FADS2: variants seen among roughly 807,000 people sequenced by gnomAD.
FADS2 encodes acyl-CoA 6-desaturase.
Under a neutral mutation model 61.2 loss-of-function variants are expected in FADS2, and 18 were observed. The observed-to-expected ratio is 0.29, with a 90% CI of 0.20 to 0.44. The LOEUF is 0.44. FADS2 is among the 20% of genes least tolerant of loss of function. The pLI, the probability that FADS2 is intolerant of heterozygous loss-of-function variation, is 1.00. For synonymous variants in FADS2, 203 were observed against 223.9 expected (o/e 0.91, Z 0.83); for missense variants, 322 against 572.7 (o/e 0.56, Z 4.47).
chr11:61,828,055 G>A (rs1591163786), upstream of FADS2: 5 of 1,186,518 alleles, frequency 4.2e-6, no homozygotes, highest in East Asian at 1.5e-4. This position sits in a 1 kb window ranked among gnomAD's most constrained non-coding sequence, Gnocchi z 6.4. Flanking sequence ...GGGGGGAGCC[G>A]GAGGGGCGGG....
chr11:61,828,047 G>A, upstream of FADS2: 1 of 1,179,350 alleles, frequency 8.5e-7, no homozygotes, highest in Middle Eastern at 3.5e-4. This position sits in a 1 kb window ranked among gnomAD's most constrained non-coding sequence, Gnocchi z 6.4. Context: ...CCCGAGGCGG[G>A]GGGAGCCGGA....
At chr11:61,845,605 C>T (rs1246697164) in intron 4 of FADS2, among the ~76,000 whole-genome samples, 1 of 151,986 alleles carries the variant, frequency 6.6e-6, no homozygotes, top group Admixed American at 6.6e-5. Context: ...CCAGCCTGGC[C>T]AACATGGTGA....
intron 5 of FADS2, among the ~76,000 whole-genome samples, chr11:61,849,124 T>C (rs1236230818): frequency 3.3e-5 from 5 of 152,196 alleles, no homozygotes; most frequent in African/African-American, 7.2e-5. Flanking sequence ...CTCAAACTCC[T>C]GACCTCATGA....
intron 7 of FADS2, among the ~76,000 whole-genome samples, chr11:61,857,756 G>A (rs1040880561): frequency 6.6e-6 from 1 of 152,174 alleles, no homozygotes; most frequent in African/African-American, 2.4e-5. Context: ...CACTGGGGCA[G>A]CCCCTGCTTT....
chr11:61,830,624 T>C (rs1158296039), intron 1 of FADS2, among the ~76,000 whole-genome samples: 1 of 152,244 alleles, frequency 6.6e-6, no homozygotes, highest in Non-Finnish European at 1.5e-5. Context: ...TCTTGGATGT[T>C]GGTTGCTTTG....
At chr11:61,864,106 G>A (rs1003750313) in intron 10 of FADS2, 4 of 322,580 alleles carry the variant, frequency 1.2e-5, no homozygotes, top group East Asian at 9.7e-5. Context: ...GGCTAGCAGG[G>A]CAGGGCTACG....
chr11:61,824,502 G>GAAA (rs140558358), upstream of FADS2, among the ~76,000 whole-genome samples: 4,746 of 21,212 alleles, frequency 0.22, 1,255 homozygotes, highest in South Asian at 0.39. Context: ...AAGAAAGAAA[G>GAAA]GAAAGAAAGA....
intron 4 of FADS2, among the ~76,000 whole-genome samples, chr11:61,844,697 G>A (rs978340033): frequency 1.3e-5 from 2 of 152,024 alleles, no homozygotes; most frequent in Non-Finnish European, 2.9e-5. Context: ...AGGTTGAGGA[G>A]GGCAGATCAC....
At chr11:61,820,364 C>T (rs763831223) in intron 1 of FADS2, among the ~76,000 whole-genome samples, 6 of 151,970 alleles carry the variant, frequency 3.9e-5, no homozygotes, top group Non-Finnish European at 8.8e-5. Context: ...AAGTGAGTCA[C>T]GGATTATAGG....
chr11:61,854,949 T>TG (rs2067343111), intron 5 of FADS2: 1 of 152,230 alleles, frequency 6.6e-6, no homozygotes, highest in South Asian at 2.1e-4. Flanking sequence ...AGGGTCATTC[T>TG]GGGGCATTGA....
chr11:61,821,307 C>G, intron 1 of FADS2: 1 of 662,426 alleles, frequency 1.5e-6, no homozygotes, highest in East Asian at 2.7e-5. Flanking sequence ...ATTACTTGAG[C>G]TCAGGAGTTG....
intron 4 of FADS2, 140 bp downstream of exon 4, chr11:61,840,865 C>T: frequency 1.5e-6 from 1 of 680,518 alleles, no homozygotes; most frequent in Non-Finnish European, 2.6e-6. Flanking sequence ...GGTGACTCTC[C>T]ATTCTGCTGA....
upstream of FADS2, among the ~76,000 whole-genome samples, chr11:61,825,007 A>G (rs892046329): frequency 7.2e-5 from 11 of 151,876 alleles, no homozygotes; most frequent in African/African-American, 2.2e-4. Flanking sequence ...CATGGCCAAC[A>G]TGGTGAAACC....
chr11:61,848,137 C>T (rs747180677), intron 4 of FADS2, 22 bp from the exon 5 acceptor site: 1 of 1,613,922 alleles, frequency 6.2e-7, no homozygotes, highest in South Asian at 1.1e-5. Context: ...CATGGCTCAT[C>T]CCCACCCCTC....
At chr11:61,838,621 C>T (rs1272053973) in intron 2 of FADS2, among the ~76,000 whole-genome samples, 4 of 152,130 alleles carry the variant, frequency 2.6e-5, no homozygotes, top group East Asian at 1.9e-4. Context: ...GGGTCTCTCC[C>T]GGCCTGGACT....
chr11:61,839,167 G>A (rs1248796383), intron 2 of FADS2, among the ~76,000 whole-genome samples: 1 of 152,012 alleles, frequency 6.6e-6, no homozygotes, highest in Non-Finnish European at 1.5e-5. Context: ...CCATGTGCCC[G>A]GGACTCACAG....
intron 1 of FADS2, among the ~76,000 whole-genome samples, chr11:61,829,741 G>T (rs1369611702): frequency 6.6e-6 from 1 of 152,212 alleles, no homozygotes; most frequent in African/African-American, 2.4e-5. Flanking sequence ...TGAACTTGAC[G>T]TAGATCATTC....
At chr11:61,853,859 T>A (rs2067332192) in intron 5 of FADS2, among the ~76,000 whole-genome samples, 1 of 152,156 alleles carries the variant, frequency 6.6e-6, no homozygotes. Flanking sequence ...CAACCCTCGA[T>A]GGACAAGGAG....
chr11:61,845,650 G>A (rs372725622), intron 4 of FADS2, among the ~76,000 whole-genome samples: 4 of 152,130 alleles, frequency 2.6e-5, no homozygotes, highest in Admixed American at 6.5e-5. Context: ...AAAATTAGCC[G>A]GGCATGGTGG....
Sources: allele counts gnomAD v4.1 joint callset (sites outside exome capture counted in the v4.1 genomes callset), GRCh38; gene constraint gnomAD v4.1.1; non-coding constraint Gnocchi (gnomAD v3.1); transcripts MANE v1.5; gene names NCBI Gene and HGNC (gene_info 2026-07-23, HGNC 2026-07-21).